Variants in TYRP1 observed in about 807,000 individuals in gnomAD.
TYRP1 encodes 5,6-dihydroxyindole-2-carboxylic acid oxidase.
Under a neutral mutation model 42.8 loss-of-function variants are expected in TYRP1, and 49 were observed. The ratio of observed to expected loss-of-function variants is 1.14; its 90% CI spans 0.91 to 1.45. The LOEUF is 1.45. TYRP1 is among the 40% of genes most tolerant of loss of function. The pLI is 0.00. For missense variants in TYRP1, 848 were observed against 662.0 expected (o/e 1.28, Z -3.08); for synonymous variants, 279 against 235.4 (o/e 1.19, Z -1.69).
intron 4 of TYRP1, among the ~76,000 whole-genome samples, chr9:12,698,968 T>A (rs1215793466): frequency 6.6e-6 from 1 of 152,116 alleles, no homozygotes; most frequent in Non-Finnish European, 1.5e-5. Context: ...TTCTTAGCAC[T>A]ACTTAGAAGT....
rs144321374 is a variant in TYRP1, at chr9:12,708,999, G to A, written c.1431G>A (p.Glu477=). The stretch of plus-strand genomic sequence containing the variant: ...TAGGTCGGGAGTTTAGTGTACCTGA[G>A]ATAATTGCCATAGCAGTAGTTGGCG... ...QWPSREFSVP[E]IIAIAVVGAL... Residue 477 remains glutamate, a synonymous_variant, in exon 8 of 8, where the codon GAG becomes GAA. Transcript: ENST00000388918. 2 of 1,612,428 alleles carry A rather than the reference G, an allele frequency of 1.2e-6. No homozygotes were observed. The highest frequency in any genetic ancestry group is 8.5e-7 in the Non-Finnish European group (1 of 1,179,066).
chr9:12,695,801 C>G lies in TYRP1; in HGVS notation c.672C>G (p.His224Gln). Residue 224 changes from histidine (H) to glutamine (Q), a missense_variant, in exon 3 of 8, where the codon CAC becomes CAG. Coordinates refer to ENST00000388918, the MANE Select transcript of TYRP1 (RefSeq NM_000550.3). The stretch of plus-strand genomic sequence containing the variant: ...AGGGACCAGCTTTTCTCACATGGCA[C>G]AGGTACCACCTCCTGCGTCTGGAGA... ...SHEGPAFLTW[H>Q]RYHLLRLEKD... 1 of 1,614,134 alleles carries G rather than the reference C, an allele frequency of 6.2e-7. No individual in the cohort carries two copies. The highest frequency in any genetic ancestry group is 8.5e-7 in the Non-Finnish European group (1 of 1,180,012).
intron 4 of TYRP1, among the ~76,000 whole-genome samples, chr9:12,700,789 T>C (rs1818154370): frequency 1.3e-5 from 2 of 152,084 alleles, no homozygotes; most frequent in Admixed American, 6.6e-5. Context: ...TCCTGAGCAG[T>C]AATCCCCAAA....
intron 3 of TYRP1, among the ~76,000 whole-genome samples, chr9:12,697,317 G>A (rs531682639): frequency 3.3e-5 from 5 of 152,264 alleles, no homozygotes; most frequent in East Asian, 1.9e-4. Flanking sequence ...AATGTAATTC[G>A]TGGTTGAAAT....
chr9:12,710,262 T>TAAC lies in TYRP1; in HGVS notation c.*1082_*1084dup, dbSNP rs978385818. 2.0e-5 allele frequency: 3 copies of TAAC among 151,192 alleles called. No individual in the cohort carries two copies. Among genetic ancestry groups the TAAC allele is most frequent in the Admixed American group, 6.6e-5 (1 of 15,094 alleles). 9.4% of individuals were successfully genotyped at this position (151,192 alleles called of 1,614,324 possible). On this transcript the variant is annotated 3_prime_UTR_variant, in exon 8 of 8. Coordinates refer to ENST00000388918, the MANE Select transcript of TYRP1 (RefSeq NM_000550.3). ...AATTAAAATTGGTAAAAATAAATAA[T>TAAC]AACAGTAATAATCATGCACTATAGA...
At chr9:12,707,975 C>T (rs41303657) in intron 6 of TYRP1, 22 bp from the exon 7 acceptor site, 35 of 1,596,746 alleles carry the variant, frequency 2.2e-5, no homozygotes, top group Middle Eastern at 1.7e-4. Context: ...TTTATTAATA[C>T]GTTGTCTTTG....
Position 12,694,388 on chromosome 9 carries a change from G to A in TYRP1, c.385+7G>A. 3 of 1,613,736 alleles carry A rather than the reference G, an allele frequency of 1.9e-6. No homozygotes were observed. The highest frequency in any genetic ancestry group is 2.5e-6 in the Non-Finnish European group (3 of 1,179,908). ...GACCAGAGGGTTCTCATAGGTAAGT[G>A]GAGATATGAATGAGTTCATAAGTCC... On this transcript the variant is annotated splice_region_variant and intron_variant, in intron 2 of 7. Transcript: ENST00000388918.
intron 2 of TYRP1, 81 bp from the exon 3 acceptor site, chr9:12,695,434 G>A: frequency 1.6e-6 from 2 of 1,262,186 alleles, no homozygotes; most frequent in Non-Finnish European, 2.3e-6. Flanking sequence ...GGGTCGTGGT[G>A]TGTTACAAGA....
In TYRP1 at chr9:12,709,547, A is replaced by T. The variant is rs1818323403; in HGVS notation, c.*365A>T. On this transcript the variant is annotated 3_prime_UTR_variant, in exon 8 of 8. Coordinates refer to ENST00000388918, the MANE Select transcript of TYRP1 (RefSeq NM_000550.3). ...GTTTGATAGTAAATGTCCACTTAAA[A>T]TACATGAATGGGCATTTCTAAAATG... The T allele has an allele frequency of 4.5e-6, 1 of 221,752 alleles. No individual in the cohort carries two copies. The highest frequency in any genetic ancestry group is 9.2e-6 in the Non-Finnish European group (1 of 108,880). 13.7% of individuals were successfully genotyped at this position (221,752 alleles called of 1,614,324 possible). A position where few individuals can be genotyped will look rare whatever the true frequency, so the allele number is the denominator to read the frequency against.
chr9:12,694,969 C>A (rs376374911), intron 2 of TYRP1, among the ~76,000 whole-genome samples: 5 of 152,180 alleles, frequency 3.3e-5, no homozygotes, highest in African/African-American at 1.2e-4. Flanking sequence ...TTTAAATGAA[C>A]ATGTATTGAG....
chr9:12,695,374 T>C (rs937194820), intron 2 of TYRP1, 141 bp from the exon 3 acceptor site: 1 of 765,640 alleles, frequency 1.3e-6, no homozygotes. Flanking sequence ...GTTAAGGATA[T>C]TTTTAAAAGT....
chr9:12,708,043 A>T lies in TYRP1; in HGVS notation c.1308A>T (p.Arg436Ser). 6.2e-7 allele frequency: 1 copy of T among 1,612,676 alleles called. No individual in the cohort carries two copies. Among genetic ancestry groups the T allele is most frequent in the Non-Finnish European group, 8.5e-7 (1 of 1,179,188 alleles). Residue 436 changes from arginine to serine, a missense_variant, in exon 7 of 8, where the codon AGA (arginine) becomes AGT (serine). Arg to Ser is a moderately radical substitution (Grantham distance 110). Transcript: ENST00000388918. ...PLENAPIGHNRQYNMVPFWPP... is the reference protein window; with the variant it reads ...PLENAPIGHNSQYNMVPFWPP... ...AAAATGCCCCTATTGGACATAATAGACAATACAACATGGTGCCATTCTGGC... is the reference window on the plus strand; with the variant it reads ...AAAATGCCCCTATTGGACATAATAGTCAATACAACATGGTGCCATTCTGGC...
At chr9:12,694,890 A>G (rs557462697) in intron 2 of TYRP1, among the ~76,000 whole-genome samples, 1 of 152,218 alleles carries the variant, frequency 6.6e-6, no homozygotes, top group East Asian at 1.9e-4. Flanking sequence ...GCATTAAATA[A>G]CAAAGCACTA....
intron 4 of TYRP1, among the ~76,000 whole-genome samples, chr9:12,699,920 G>A (rs1174386320): frequency 6.6e-6 from 1 of 151,284 alleles, no homozygotes; most frequent in Non-Finnish European, 1.5e-5. Flanking sequence ...GGAAGAAAGA[G>A]GAAGAGATTT....
intron 7 of TYRP1, 66 bp downstream of exon 7, chr9:12,708,209 G>T: frequency 6.4e-7 from 1 of 1,566,326 alleles, no homozygotes; most frequent in South Asian, 1.1e-5. Context: ...CTTTCAAGTA[G>T]AGTAATCACG....
rs1008502169 is a variant in TYRP1, at chr9:12,709,855, G to A, written c.*673G>A. 1.3e-5 allele frequency: 2 copies of A among 152,824 alleles called. No homozygotes were observed. The highest frequency in any genetic ancestry group is 4.8e-5 in the African/African-American group (2 of 41,396). The allele number at this position is 152,824 out of a possible 1,614,324, so 9.5% of individuals were successfully genotyped here. ...TTAAGCAACAATGGATATTGCCTGT[G>A]TTTGCCACTGTGTTTCCCTGCCTCT... is the stretch of plus-strand genomic sequence containing the variant. On this transcript the variant is annotated 3_prime_UTR_variant, in exon 8 of 8. Transcript: ENST00000388918.
chr9:12,695,180 A>G (rs1421968287), intron 2 of TYRP1, among the ~76,000 whole-genome samples: 2 of 152,190 alleles, frequency 1.3e-5, no homozygotes, highest in East Asian at 1.9e-4. Flanking sequence ...TCAAAGATTT[A>G]TAATGTTAAA....
At chr9:12,701,009 T>A (rs1327351241) in intron 4 of TYRP1, among the ~76,000 whole-genome samples, 1 of 152,072 alleles carries the variant, frequency 6.6e-6, no homozygotes, top group African/African-American at 2.4e-5. Flanking sequence ...AAAAGGAATA[T>A]GAGTTGAAGT....
intron 3 of TYRP1, 141 bp downstream of exon 3, chr9:12,695,978 T>G: frequency 2.3e-6 from 2 of 860,648 alleles, no homozygotes; most frequent in South Asian, 1.7e-5. Flanking sequence ...TCTTTGGCAT[T>G]TCGTTTTCTC....
Sources: allele counts gnomAD v4.1 joint callset (sites outside exome capture counted in the v4.1 genomes callset), GRCh38; gene constraint gnomAD v4.1.1; transcripts MANE v1.5; gene names NCBI Gene and HGNC (gene_info 2026-07-23, HGNC 2026-07-21).